PON3: variants seen among roughly 807,000 people sequenced by gnomAD.
PON3 encodes paraoxonase 3.
PON3 carries 37 observed loss-of-function variants against 36.3 expected under a neutral mutation model. The observed-to-expected ratio is 1.02, with a 90% confidence interval of 0.78 to 1.34. The LOEUF (loss-of-function observed/expected upper bound fraction) is 1.34. PON3 is among the 40% of genes most tolerant of loss of function. The pLI, the probability that PON3 is intolerant of heterozygous loss-of-function variation, is 0.00. For missense variants in PON3, 415 were observed against 426.5 expected (o/e 0.97, Z 0.24); for synonymous variants, 155 against 154.8 (o/e 1.00, Z -0.01).
intron 3 of PON3, among the ~76,000 whole-genome samples, chr7:95,386,188 C>T (rs1173880128): frequency 2.0e-5 from 3 of 152,036 alleles, no homozygotes; most frequent in Non-Finnish European, 4.4e-5. Context: ...TCAATGAATG[C>T]AGGAGCTGCT....
intron 2 of PON3, among the ~76,000 whole-genome samples, chr7:95,392,994 T>A (rs1809353271): frequency 6.6e-6 from 1 of 152,204 alleles, no homozygotes; most frequent in Non-Finnish European, 1.5e-5. Flanking sequence ...GGGGCTCAGG[T>A]TTTTAAAAAC....
chr7:95,377,558 G>A lies in PON3; in HGVS notation c.202-5220C>T, dbSNP rs745659304. 1.0e-4 allele frequency: 44 copies of A among 428,264 alleles called. 1 individual carries two copies. The highest frequency in any genetic ancestry group is 6.8e-4 in the South Asian group (42 of 62,144). The allele number at this position is 428,264 out of a possible 1,614,324, so 26.5% of individuals were successfully genotyped here. ...CTCATACAGGCGGATGCCCCTCTGG[G>A]ATGAAGCTTCCAGAAGAAAAATCAG... On this transcript the variant is annotated intron_variant, in intron 3 of 8. Coordinates refer to ENST00000265627, the MANE Select transcript of PON3 (RefSeq NM_000940.3).
chr7:95,380,843 T>C (rs1486330059), intron 3 of PON3, among the ~76,000 whole-genome samples: 2 of 152,044 alleles, frequency 1.3e-5, no homozygotes, highest in Non-Finnish European at 2.9e-5. Flanking sequence ...ATTCAGGAAA[T>C]ACAGAGAATG....
rs1012878649 is a variant in PON3, at chr7:95,372,790, C to T, written c.202-452G>A. Among the ~76,000 whole-genome samples the T allele has an allele frequency of 8.5e-5, 13 of 152,210 alleles. No homozygotes were observed. The South Asian group carries it at 1.9e-3, about 22-fold the overall frequency. On this transcript the variant is annotated intron_variant, in intron 3 of 8. Transcript: ENST00000265627. ...GGTGTATAGTTTAATTGTATTGTTCCCATTCCTACATCGATTATATCATGT... is the reference window on the plus strand; with the variant it reads ...GGTGTATAGTTTAATTGTATTGTTCTCATTCCTACATCGATTATATCATGT...
At chr7:95,365,622 T>C (rs1479182283) in intron 5 of PON3, 2 of 152,224 alleles carry the variant, frequency 1.3e-5, no homozygotes. Flanking sequence ...ATGTGTTTCC[T>C]AGGGCTGGCA....
At chr7:95,363,080 G>A (rs17885374) in intron 6 of PON3, among the ~76,000 whole-genome samples, 1 of 151,680 alleles carries the variant, frequency 6.6e-6, no homozygotes, top group Non-Finnish European at 1.5e-5. Context: ...GACATATATA[G>A]GCTCAATCTT....
rs577431332 is a variant in PON3 at position 95,386,851 on chromosome 7, A to C, written c.201+3303T>G. ...TCAACATACACAAATCAATAAATGTAATCCATCACATAAACAGAACCAATG... is the reference window on the plus strand; with the variant it reads ...TCAACATACACAAATCAATAAATGTCATCCATCACATAAACAGAACCAATG... On this transcript the variant is annotated intron_variant, in intron 3 of 8. Transcript: ENST00000265627. Among the ~76,000 whole-genome samples, 12 of 152,300 alleles carry C rather than the reference A, an allele frequency of 7.9e-5. No individual in the cohort carries two copies. The East Asian group carries it at 1.9e-3, about 25-fold the overall frequency.
At chr7:95,361,020 A>G (rs1808558381) in intron 8 of PON3, among the ~76,000 whole-genome samples, 1 of 152,148 alleles carries the variant, frequency 6.6e-6, no homozygotes, top group Admixed American at 6.5e-5. Context: ...GAAAATAGAG[A>G]TACGAAAAAG....
chr7:95,362,877 G>T, intron 6 of PON3, 36 bp from the exon 7 acceptor site: 1 of 1,441,410 alleles, frequency 6.9e-7, no homozygotes, highest in Non-Finnish European at 9.8e-7. Flanking sequence ...TAAGCAAGTG[G>T]TAATGAGAGA....
chr7:95,393,113 T>C (rs1259879281), intron 2 of PON3, among the ~76,000 whole-genome samples: 1 of 152,186 alleles, frequency 6.6e-6, no homozygotes, highest in Non-Finnish European at 1.5e-5. Flanking sequence ...TTTTAGAAAT[T>C]GAGAGGCAAG....
intron 4 of PON3, 109 bp downstream of exon 4, chr7:95,372,064 T>C (rs922978556): frequency 7.7e-7 from 1 of 1,292,106 alleles, no homozygotes; most frequent in Admixed American, 1.7e-5. Context: ...CACATCTGTA[T>C]GGTAAAATAG....
At chr7:95,370,268 G>T (rs948407191) in intron 4 of PON3, among the ~76,000 whole-genome samples, 1 of 152,174 alleles carries the variant, frequency 6.6e-6, no homozygotes, top group Non-Finnish European at 1.5e-5. Context: ...AGGTACAGTT[G>T]GGGGCCCATG....
intron 3 of PON3, among the ~76,000 whole-genome samples, chr7:95,382,720 C>A (rs1809090341): frequency 1.3e-5 from 2 of 152,006 alleles, no homozygotes; most frequent in South Asian, 4.2e-4. Flanking sequence ...AATAGCTTAC[C>A]AACCAAAAAA....
chr7:95,362,202 A>C (rs1352035427), intron 8 of PON3, among the ~76,000 whole-genome samples, 160 bp downstream of exon 8: 2 of 152,230 alleles, frequency 1.3e-5, no homozygotes, highest in Non-Finnish European at 2.9e-5. Flanking sequence ...AGAGTTAACG[A>C]ACCTTATCTC....
At chr7:95,364,422 A>T (rs1018681383) in intron 5 of PON3, 1 of 329,384 alleles carries the variant, frequency 3.0e-6, no homozygotes, top group Non-Finnish European at 5.8e-6. Context: ...TTCAGGAATT[A>T]CACTTCCCCA....
chr7:95,359,971 G>A lies in PON3; in HGVS notation c.*2C>T. On this transcript the variant is annotated 3_prime_UTR_variant, in exon 9 of 9. Transcript: ENST00000265627. ...TTTTTTTTTTTTTTTACTATCTAGA[G>A]TCTAGAGCTCACAGTACAGAGTTTT... is the stretch of plus-strand genomic sequence containing the variant. The A allele has an allele frequency of 1.3e-6, 2 of 1,585,442 alleles. No individual in the cohort carries two copies. Among genetic ancestry groups the A allele is most frequent in the Non-Finnish European group, 1.7e-6 (2 of 1,161,198 alleles).
At chr7:95,360,308 C>T (rs1808539044) in intron 8 of PON3, among the ~76,000 whole-genome samples, 177 bp from the exon 9 acceptor site, 1 of 152,120 alleles carries the variant, frequency 6.6e-6, no homozygotes, top group South Asian at 2.1e-4. Context: ...TATCTATGCA[C>T]CAAAGTGAAC....
chr7:95,368,930 C>A (rs1039823556), intron 4 of PON3, among the ~76,000 whole-genome samples: 1 of 152,114 alleles, frequency 6.6e-6, no homozygotes, highest in African/African-American at 2.4e-5. Context: ...ATACCATCTC[C>A]AATGCAGAAT....
chr7:95,367,496 G>A lies in PON3; in HGVS notation c.368-8C>T. ...AAAGATACACAGTATTGTCTACATG[G>A]AAAAAAGGGATAATTTCCAAGAAAG... On this transcript the variant is annotated splice_polypyrimidine_tract_variant and splice_region_variant and intron_variant, in intron 4 of 8. Coordinates refer to ENST00000265627, the MANE Select transcript of PON3 (RefSeq NM_000940.3). 6.2e-7 allele frequency: 1 copy of A among 1,611,962 alleles called. No individual in the cohort carries two copies. The highest frequency in any genetic ancestry group is 8.5e-7 in the Non-Finnish European group (1 of 1,178,902).
Sources: allele counts gnomAD v4.1 joint callset (sites outside exome capture counted in the v4.1 genomes callset), GRCh38; gene constraint gnomAD v4.1.1; transcripts MANE v1.5; gene names NCBI Gene and HGNC (gene_info 2026-07-23, HGNC 2026-07-21).